The following HMGXB3 variants were observed in gnomAD, a reference collection of about 807,000 sequenced individuals.
HMGXB3 encodes the protein HMG domain-containing protein 3.
In HMGXB3, 45 loss-of-function variants were observed where a neutral mutation model predicts 121.5. That is an observed-to-expected ratio of 0.37 (90% CI 0.29 to 0.47). The LOEUF (loss-of-function observed/expected upper bound fraction) is 0.47, where lower values mean the gene tolerates loss of function less well. HMGXB3 is among the 20% of genes least tolerant of loss of function. The pLI is 0.99. For synonymous variants in HMGXB3, 590 were observed against 624.1 expected, an observed-to-expected ratio of 0.95 and a Z score of 0.81; for missense variants, 1,376 against 1,602.2, an observed-to-expected ratio of 0.86 and a Z score of 2.41.
In HMGXB3 at chr5:150,030,809, T is replaced by C; in HGVS notation, c.1803T>C (p.Pro601=). Residue 601 remains proline (P), a synonymous_variant, in exon 10 of 20, where the codon CCT becomes CCC. Coordinates refer to ENST00000502717, the MANE Select transcript of HMGXB3 (RefSeq NM_014983.3). ...TGGAGGTCAAGCCCGATATGTTTCC[T>C]CCATATAAGTACAGCTGCACTGTCA... ...KVVEVKPDMF[P]PYKYSCTVTL... The C allele has an allele frequency of 6.4e-7, 1 of 1,552,064 alleles. No individual in the cohort carries two copies.
Position 150,047,738 on chromosome 5 carries a change from T to A in HMGXB3, c.3065T>A (p.Phe1022Tyr). 6.4e-7 allele frequency: 1 copy of A among 1,551,756 alleles called. No individual in the cohort carries two copies. The highest frequency in any genetic ancestry group is 1.2e-5 in the South Asian group (1 of 84,064). ...QHLLRQCGIPFGAEDSKDQLC... is the reference protein window; with the variant it reads ...QHLLRQCGIPYGAEDSKDQLC... ...CTGCTAAGGCAGTGTGGAATCCCCT[T>A]TGGGGCAGAAGACTCCAAGGTGAGT... is the stretch of plus-strand genomic sequence containing the variant. Residue 1022 changes from phenylalanine to tyrosine, a missense_variant, in exon 17 of 20, where the codon TTT becomes TAT. Coordinates refer to ENST00000502717, the MANE Select transcript of HMGXB3 (RefSeq NM_014983.3).
intron 6 of HMGXB3, among the ~76,000 whole-genome samples, chr5:150,019,502 A>G (rs1756037773): frequency 1.3e-5 from 2 of 152,246 alleles, no homozygotes; most frequent in South Asian, 4.1e-4. Context: ...GGTGCGAACT[A>G]GATAAAACAT....
Position 150,051,487 on chromosome 5 carries a change from G to A in HMGXB3, c.3412-238G>A, listed in dbSNP as rs79001154. Among the ~76,000 whole-genome samples the A allele has an allele frequency of 9.6e-3, 1,459 of 152,274 alleles. 8 individuals are homozygous for A. Among genetic ancestry groups the A allele is most frequent in the Non-Finnish European group, 0.017 (1,129 of 68,020 alleles). On this transcript the variant is annotated intron_variant, in intron 19 of 19. Transcript: ENST00000502717. ...CTGCAGCCACTGGCCTGAATGGACC[G>A]GGGGCAATAATAGCATAAGTAATCC...
chr5:150,005,931 T>G (rs1472379185), intron 2 of HMGXB3, among the ~76,000 whole-genome samples: 1 of 152,194 alleles, frequency 6.6e-6, no homozygotes, highest in Non-Finnish European at 1.5e-5. Context: ...AAATCATTCC[T>G]GCACAAAAAG....
chr5:150,036,093 A>G (rs976649627), intron 11 of HMGXB3, among the ~76,000 whole-genome samples: 1 of 152,182 alleles, frequency 6.6e-6, no homozygotes, highest in African/African-American at 2.4e-5. Context: ...TCCCACATAC[A>G]CAGCTGTTAA....
At chr5:150,024,946 G>A (rs1422193758) in intron 7 of HMGXB3, among the ~76,000 whole-genome samples, 1 of 152,196 alleles carries the variant, frequency 6.6e-6, no homozygotes, top group East Asian at 1.9e-4. Flanking sequence ...TATAGGCTCT[G>A]GGCAGTATTA....
At chr5:150,036,179 A>C (rs1756497216) in intron 11 of HMGXB3, among the ~76,000 whole-genome samples, 1 of 152,208 alleles carries the variant, frequency 6.6e-6, no homozygotes, top group African/African-American at 2.4e-5. Flanking sequence ...CTAAGTGTTG[A>C]ATCCATTACC....
Position 150,052,263 on chromosome 5 carries a change from C to T in HMGXB3, c.*71C>T. ...AGGCCCTTGCCTGAGGCAGAGCTATCCAGGGGACCTGCAGAAGTGGTCTCC... is the reference window on the plus strand; with the variant it reads ...AGGCCCTTGCCTGAGGCAGAGCTATTCAGGGGACCTGCAGAAGTGGTCTCC... On this transcript the variant is annotated 3_prime_UTR_variant, in exon 20 of 20. Transcript: ENST00000502717. 1 of 1,244,114 alleles carries T rather than the reference C, an allele frequency of 8.0e-7. No individual in the cohort carries two copies. 77.1% of individuals were successfully genotyped at this position (1,244,114 alleles called of 1,614,324 possible).
At chr5:150,032,675 T>A (rs1289587765) in intron 11 of HMGXB3, 72 bp downstream of exon 11, 1 of 1,504,344 alleles carries the variant, frequency 6.6e-7, no homozygotes, top group Non-Finnish European at 9.0e-7. Context: ...TTAGTAGAAA[T>A]AAGAAGATTT....
intron 5 of HMGXB3, among the ~76,000 whole-genome samples, chr5:150,012,920 A>G (rs1409631062): frequency 1.3e-5 from 2 of 152,256 alleles, no homozygotes; most frequent in African/African-American, 2.4e-5. Flanking sequence ...TCGTAATACA[A>G]TTGATTGCTT....
At chr5:150,007,694 A>G (rs987715584) in intron 3 of HMGXB3, among the ~76,000 whole-genome samples, 1 of 152,162 alleles carries the variant, frequency 6.6e-6, no homozygotes, top group Non-Finnish European at 1.5e-5. Context: ...AATAATCCCT[A>G]TAGTGGAGTG....
chr5:150,027,265 T>G (rs1277067452), intron 9 of HMGXB3, 148 bp downstream of exon 9: 20 of 571,312 alleles, frequency 3.5e-5, no homozygotes, highest in Non-Finnish European at 6.0e-5. Context: ...ATCTGTTTTT[T>G]AAGTAATTTC....
chr5:150,020,462 A>G (rs919234139), intron 6 of HMGXB3, among the ~76,000 whole-genome samples: 4 of 152,236 alleles, frequency 2.6e-5, no homozygotes, highest in African/African-American at 7.2e-5. Context: ...GTGCTTATAC[A>G]TGAAAGACTG....
At chr5:150,022,741 C>T (rs1302043358) in intron 6 of HMGXB3, among the ~76,000 whole-genome samples, 12 of 151,774 alleles carry the variant, frequency 7.9e-5, no homozygotes, top group South Asian at 4.2e-4. Flanking sequence ...TGTTAACTCA[C>T]TCTTAGGGGC....
intron 5 of HMGXB3, among the ~76,000 whole-genome samples, chr5:150,017,614 A>AT (rs1217101272): frequency 6.6e-6 from 1 of 152,208 alleles, no homozygotes; most frequent in African/African-American, 2.4e-5. Context: ...CACTGTCATA[A>AT]TTGGAAGCCA....
chr5:150,028,502 TGTATG>T, intron 9 of HMGXB3, among the ~76,000 whole-genome samples: 1 of 38,620 alleles, frequency 2.6e-5, no homozygotes, highest in Admixed American at 3.0e-4. Flanking sequence ...TATATATGTA[TGTATG>T]TGTGTGTGTG....
chr5:150,023,753 G>T (rs1231800685), intron 6 of HMGXB3, among the ~76,000 whole-genome samples: 1 of 152,216 alleles, frequency 6.6e-6, no homozygotes. Flanking sequence ...TCTCCTTAAA[G>T]AATCTGGGAC....
rs1031738820 is a variant in HMGXB3 at position 150,052,864 on chromosome 5, T to C, written c.*672T>C. 1 of 152,692 alleles carries C rather than the reference T, an allele frequency of 6.5e-6. No individual in the cohort carries two copies. Among genetic ancestry groups the C allele is most frequent in the African/African-American group, 2.4e-5 (1 of 41,576 alleles). 9.5% of individuals were successfully genotyped at this position (152,692 alleles called of 1,614,324 possible). On this transcript the variant is annotated 3_prime_UTR_variant, in exon 20 of 20. Coordinates refer to ENST00000502717, the MANE Select transcript of HMGXB3 (RefSeq NM_014983.3). ...CCTTCCTCCTTTCCCTGGCCACTGC[T>C]GCTGCAGCCAATATCCTCTCTGGGC...
chr5:150,006,677 T>C, intron 3 of HMGXB3, 30 bp downstream of exon 3: 1 of 1,544,534 alleles, frequency 6.5e-7, no homozygotes. Context: ...AGCTATTTTT[T>C]CCACTGGTTC....
Sources: gnomAD v4.1 joint callset for allele counts (sites outside exome capture counted in the v4.1 genomes callset) on GRCh38, gnomAD v4.1.1 for gene constraint, MANE v1.5 for transcripts, NCBI Gene and HGNC (gene_info 2026-07-23, HGNC 2026-07-21) for gene names.